ZNF704: variants seen among roughly 807,000 people sequenced by gnomAD.
ZNF704 encodes the protein glucocorticoid induced gene 1.
In ZNF704, 10 loss-of-function variants were observed where a neutral mutation model predicts 44.7. The ratio of observed to expected loss-of-function variants is 0.22; its 90% confidence interval spans 0.14 to 0.38. ZNF704 has a LOEUF of 0.38. Ranked by LOEUF, ZNF704 falls within the 10% of genes least tolerant of loss-of-function variation. The pLI is 1.00. For synonymous variants in ZNF704, 211 were observed against 207.6 expected (o/e 1.02, Z -0.14); for missense variants, 390 against 545.5 (o/e 0.71, Z 2.84).
chr8:80,798,108 T>C (rs1807837964), intron 2 of ZNF704, among the ~76,000 whole-genome samples: 1 of 152,164 alleles, frequency 6.6e-6, no homozygotes, highest in Admixed American at 6.5e-5. Flanking sequence ...ACAGTAGGTG[T>C]ATTAAGTTCT....
intron 2 of ZNF704, among the ~76,000 whole-genome samples, chr8:80,712,138 G>C (rs1818996972): frequency 6.6e-6 from 1 of 152,172 alleles, no homozygotes; most frequent in African/African-American, 2.4e-5. Flanking sequence ...TGCTGTTATT[G>C]TGAGAGTGGG....
intron 2 of ZNF704, among the ~76,000 whole-genome samples, chr8:80,707,988 C>T (rs1818923300): frequency 6.6e-6 from 1 of 152,230 alleles, no homozygotes; most frequent in South Asian, 2.1e-4. Flanking sequence ...GGAGGATTCT[C>T]ATACACACAT....
chr8:80,685,505 C>CTT (rs1187181397), intron 4 of ZNF704, among the ~76,000 whole-genome samples: 4 of 152,184 alleles, frequency 2.6e-5, no homozygotes, highest in African/African-American at 4.8e-5. Flanking sequence ...CAGGAAAAGA[C>CTT]TTCAGGTCCC....
At chr8:80,651,084 A>G (rs1045033846) in intron 7 of ZNF704, among the ~76,000 whole-genome samples, 5 of 152,248 alleles carry the variant, frequency 3.3e-5, no homozygotes, top group Admixed American at 6.5e-5. Context: ...TAAGTGAAGG[A>G]GAAATAAAAT....
At chr8:80,718,478 C>T (rs1346861579) in intron 2 of ZNF704, among the ~76,000 whole-genome samples, 3 of 152,182 alleles carry the variant, frequency 2.0e-5, no homozygotes, top group African/African-American at 7.2e-5. Context: ...GGACTTGCTT[C>T]AGCCCGTAAA....
intron 4 of ZNF704, among the ~76,000 whole-genome samples, chr8:80,672,798 T>C (rs975709727): frequency 1.1e-4 from 16 of 152,130 alleles, no homozygotes; most frequent in African/African-American, 3.9e-4. Flanking sequence ...GTTGAAAAAC[T>C]ATCTATTGGG....
intron 2 of ZNF704, among the ~76,000 whole-genome samples, chr8:80,759,093 A>C (rs1807085483): frequency 6.6e-6 from 1 of 152,186 alleles, no homozygotes; most frequent in African/African-American, 2.4e-5. Context: ...TCCATTCAGC[A>C]CTTAGTATCT....
At chr8:80,802,420 C>T (rs1586038321) in intron 2 of ZNF704, among the ~76,000 whole-genome samples, 1 of 152,142 alleles carries the variant, frequency 6.6e-6, no homozygotes, top group Non-Finnish European at 1.5e-5. Context: ...TCTTGATGAA[C>T]ATCAATGCAA....
chr8:80,675,973 T>G (rs1818359278), intron 4 of ZNF704, among the ~76,000 whole-genome samples: 1 of 152,108 alleles, frequency 6.6e-6, no homozygotes, highest in Non-Finnish European at 1.5e-5. Flanking sequence ...TGTTGGAGAT[T>G]GAGAAGGAGC....
chr8:80,677,915 T>C (rs1818395435), intron 4 of ZNF704, among the ~76,000 whole-genome samples: 1 of 152,258 alleles, frequency 6.6e-6, no homozygotes, highest in Non-Finnish European at 1.5e-5. Context: ...TGTTTCTCAG[T>C]ATGATTAACA....
chr8:80,730,599 G>C (rs1265375197), intron 2 of ZNF704, among the ~76,000 whole-genome samples: 1 of 146,734 alleles, frequency 6.8e-6, no homozygotes, highest in Non-Finnish European at 1.5e-5. Flanking sequence ...GGTCACGGGT[G>C]ATAAAGTATA....
At chr8:80,726,792 C>A in intron 2 of ZNF704, among the ~76,000 whole-genome samples, 1 of 151,826 alleles carries the variant, frequency 6.6e-6, no homozygotes, top group East Asian at 1.9e-4. Flanking sequence ...CATCTAATGC[C>A]TTTACATCTT....
At chr8:80,663,688 G>C (rs995991367) in intron 6 of ZNF704, among the ~76,000 whole-genome samples, 2 of 152,102 alleles carry the variant, frequency 1.3e-5, no homozygotes, top group Non-Finnish European at 2.9e-5. Context: ...CGGATTTGGA[G>C]TGTGATTCTG....
rs1036514356 is a variant in ZNF704 at position 80,641,114 on chromosome 8, T to A, written c.*252A>T. On this transcript the variant is annotated 3_prime_UTR_variant, in exon 9 of 9. Transcript: ENST00000327835. The stretch of plus-strand genomic sequence containing the variant: ...ACATACAGCAAAAAAAGTTGACTTT[T>A]CTTTTGAAGGAAAAAAAACTAGTTA... 1 of 288,148 alleles carries A rather than the reference T, an allele frequency of 3.5e-6. No individual in the cohort carries two copies. The highest frequency in any genetic ancestry group is 6.4e-6 in the Non-Finnish European group (1 of 156,232). 17.8% of individuals were successfully genotyped at this position (288,148 alleles called of 1,614,324 possible).
rs540010633 is a variant in ZNF704 at position 80,690,743 on chromosome 8, T to C, written c.325+2261A>G. On this transcript the variant is annotated intron_variant, in intron 3 of 8. Coordinates refer to ENST00000327835, the MANE Select transcript of ZNF704 (RefSeq NM_001033723.3). ...GGAGGTGTCGGCTAGGTATGGTGGC[T>C]CCCACCTGTAATCCCAACACTTTGG... Among the ~76,000 whole-genome samples the C allele has an allele frequency of 1.7e-4, 26 of 152,258 alleles. 1 individual carries two copies. In the South Asian group the frequency reaches 3.9e-3, roughly 23 times the overall value.
chr8:80,804,588 A>G (rs1244114615), intron 2 of ZNF704, among the ~76,000 whole-genome samples: 4 of 152,230 alleles, frequency 2.6e-5, no homozygotes, highest in Middle Eastern at 3.4e-3. Flanking sequence ...AAAACCAGAC[A>G]CCACATCGTG....
At chr8:80,705,455 C>T (rs943811013) in intron 2 of ZNF704, among the ~76,000 whole-genome samples, 3 of 150,332 alleles carry the variant, frequency 2.0e-5, no homozygotes, top group African/African-American at 7.3e-5. Flanking sequence ...GGGTGTGTGT[C>T]TCTCTCTGTG....
intron 1 of ZNF704, among the ~76,000 whole-genome samples, chr8:80,825,554 C>G (rs377689946): frequency 3.3e-5 from 5 of 152,192 alleles, no homozygotes; most frequent in African/African-American, 1.2e-4. Flanking sequence ...AGGAATTGAA[C>G]TCAGCTCTGC....
chr8:80,798,750 G>C lies in ZNF704; in HGVS notation c.221+22624C>G, dbSNP rs190500815. 4.6e-5 allele frequency among the ~76,000 whole-genome samples: 7 copies of C among 152,266 alleles called. No individual in the cohort carries two copies. In the East Asian group the frequency reaches 1.3e-3, roughly 29 times the overall value. ...GCTGCTTCCATATTTTCAGGAATTT[G>C]ATATCAGCAACACCCCTCTCTCAGT... On this transcript the variant is annotated intron_variant, in intron 2 of 8. Coordinates refer to ENST00000327835, the MANE Select transcript of ZNF704 (RefSeq NM_001033723.3).
Sources: gnomAD v4.1 joint callset for allele counts (sites outside exome capture counted in the v4.1 genomes callset) on GRCh38, gnomAD v4.1.1 for gene constraint, MANE v1.5 for transcripts, NCBI Gene and HGNC (gene_info 2026-07-23, HGNC 2026-07-21) for gene names.